Variants in DCP1A observed in about 807,000 individuals in gnomAD.
DCP1A encodes decapping mRNA 1A, also known as mRNA-decapping enzyme 1A.
In DCP1A, 20 loss-of-function variants were observed where a neutral mutation model predicts 58.0. The observed-to-expected ratio is 0.34, with a 90% confidence interval of 0.24 to 0.50. DCP1A has a LOEUF of 0.50. Ranked by LOEUF, DCP1A falls within the 20% of genes least tolerant of loss-of-function variation. The pLI is 0.98. For missense variants in DCP1A, 613 were observed against 712.2 expected, an observed-to-expected ratio of 0.86 and a Z score of 1.59; for synonymous variants, 285 against 275.1, an observed-to-expected ratio of 1.04 and a Z score of -0.36.
intron 4 of DCP1A, among the ~76,000 whole-genome samples, chr3:53,318,353 CTG>C (rs1285796173): frequency 4.6e-5 from 7 of 151,990 alleles, no homozygotes; most frequent in Non-Finnish European, 8.8e-5. Flanking sequence ...TAAGATTAGA[CTG>C]TTAAAAAATT....
At chr3:53,344,822 A>AAT in intron 2 of DCP1A, 80 bp downstream of exon 2, 1 of 1,100,814 alleles carries the variant, frequency 9.1e-7, no homozygotes, top group Non-Finnish European at 1.4e-6. Flanking sequence ...TCCAAAGACA[A>AAT]ATGTACAAGA....
intron 3 of DCP1A, among the ~76,000 whole-genome samples, chr3:53,329,845 T>C (rs1219332104): frequency 6.6e-6 from 1 of 152,184 alleles, no homozygotes; most frequent in Non-Finnish European, 1.5e-5. Flanking sequence ...GAAAAAGTTG[T>C]CCTTATAAAT....
chr3:53,340,516 G>A (rs553195656), intron 3 of DCP1A, among the ~76,000 whole-genome samples: 58 of 152,242 alleles, frequency 3.8e-4, no homozygotes, highest in African/African-American at 1.2e-3. Context: ...GAATTAAGAG[G>A]TGTATAATTT....
intron 6 of DCP1A, among the ~76,000 whole-genome samples, chr3:53,301,187 T>G (rs1190549721): frequency 6.6e-6 from 1 of 152,206 alleles, no homozygotes; most frequent in Non-Finnish European, 1.5e-5. Flanking sequence ...TTAAATTAAT[T>G]ATCTAAATAT....
chr3:53,295,719 G>A (rs1447150270), intron 6 of DCP1A, among the ~76,000 whole-genome samples: 6 of 152,090 alleles, frequency 3.9e-5, no homozygotes, highest in African/African-American at 1.4e-4. Context: ...TTTTTGTAGT[G>A]AGCCATTGAG....
chr3:53,292,525 G>A lies in DCP1A; in HGVS notation c.927C>T (p.Thr309=), dbSNP rs1706936229. 1 of 1,613,984 alleles carries A rather than the reference G, an allele frequency of 6.2e-7. No individual in the cohort carries two copies. The highest frequency in any genetic ancestry group is 8.5e-7 in the Non-Finnish European group (1 of 1,179,902). Residue 309 remains threonine, a synonymous_variant, in exon 7 of 10, where the codon ACC becomes ACT. Coordinates refer to ENST00000610213, the MANE Select transcript of DCP1A (RefSeq NM_018403.7). Reference sequence around the variant, plus strand: ...GAACAGGGCTCAACGGGATTGTGTAGGTTGGAGCATGCTTTTCATTGGACT... The same window carrying A: ...GAACAGGGCTCAACGGGATTGTGTAAGTTGGAGCATGCTTTTCATTGGACT... The part of the protein sequence containing the change: ...ITQSNEKHAP[T]YTIPLSPVLS...
intron 6 of DCP1A, among the ~76,000 whole-genome samples, chr3:53,300,424 G>A (rs1707277023): frequency 6.9e-6 from 1 of 145,908 alleles, no homozygotes; most frequent in African/African-American, 2.6e-5. Flanking sequence ...TGCAACCTCC[G>A]CCTCCCGGGT....
Position 53,327,111 on chromosome 3 carries a change from G to A in DCP1A, c.305-7638C>T, listed in dbSNP as rs115169433. Reference sequence around the variant, plus strand: ...CATGGATTTGAATTCCCATTTCCTAGGCTTCCAAAAATCTATAGTTAGGGA... The same window carrying A: ...CATGGATTTGAATTCCCATTTCCTAAGCTTCCAAAAATCTATAGTTAGGGA... On this transcript the variant is annotated intron_variant, in intron 3 of 9. Coordinates refer to ENST00000610213, the MANE Select transcript of DCP1A (RefSeq NM_018403.7). 8.3e-3 allele frequency among the ~76,000 whole-genome samples: 1,269 copies of A among 152,030 alleles called. 13 individuals carry two copies. The highest frequency in any genetic ancestry group is 0.029 in the African/African-American group (1,207 of 41,432).
Position 53,284,326 on chromosome 3 carries a change from C to A in DCP1A, c.*3254G>T, listed in dbSNP as rs927884315. 6.6e-6 allele frequency: 1 copy of A among 152,120 alleles called. No homozygotes were observed. The highest frequency in any genetic ancestry group is 1.5e-5 in the Non-Finnish European group (1 of 68,026). The allele number at this position is 152,120 out of a possible 1,614,324, so 9.4% of individuals were successfully genotyped here. A position where few individuals can be genotyped will look rare whatever the true frequency, so the allele number is the denominator to read the frequency against. The stretch of plus-strand genomic sequence containing the variant: ...CTCTACTATGGAAATGAGAAAATTT[C>A]AAACTACATTCTTTGGGGGAGGAGA... On this transcript the variant is annotated 3_prime_UTR_variant, in exon 10 of 10. Transcript: ENST00000610213.
At chr3:53,307,256 G>A (rs1452033520) in intron 5 of DCP1A, among the ~76,000 whole-genome samples, 1 of 152,082 alleles carries the variant, frequency 6.6e-6, no homozygotes. Context: ...GCCCCAGGCT[G>A]GTCTTAAACT....
intron 6 of DCP1A, among the ~76,000 whole-genome samples, chr3:53,302,374 C>A (rs1428266141): frequency 1.3e-5 from 2 of 152,074 alleles, no homozygotes; most frequent in East Asian, 3.8e-4. Flanking sequence ...AGAACTAATT[C>A]AACAAATATT....
Position 53,292,467 on chromosome 3 carries a change from CAGT to C in DCP1A, c.982_984del (p.Thr328del). ...CGAGGTAAGCTGGGGGGAACCTGTG[CAGT>C]AGGAGCTTCAGCTGGCAGAGTGGGA... On this transcript the variant is annotated inframe_deletion, in exon 7 of 10. Transcript: ENST00000610213. The C allele has an allele frequency of 6.2e-7, 1 of 1,613,924 alleles. No individual in the cohort carries two copies. Among genetic ancestry groups the C allele is most frequent in the Non-Finnish European group, 8.5e-7 (1 of 1,179,884 alleles).
intron 3 of DCP1A, among the ~76,000 whole-genome samples, chr3:53,336,845 G>GATTTATTTATTTATTT (rs56054437): frequency 2.3e-4 from 33 of 144,296 alleles, no homozygotes; most frequent in Non-Finnish European, 2.9e-4. Flanking sequence ...CCAAAGCCCA[G>GATTTATTTATTTATTT]ATTTATTTAT....
At chr3:53,346,006 A>G (rs2089287273) in intron 1 of DCP1A, among the ~76,000 whole-genome samples, 2 of 152,182 alleles carry the variant, frequency 1.3e-5, no homozygotes. Flanking sequence ...AATTCAGGTT[A>G]TTATAGCTTG....
rs201457735 is a variant in DCP1A at position 53,330,826 on chromosome 3, T to TATATA, written c.304+11317_304+11318insTATAT. 3.0e-4 allele frequency among the ~76,000 whole-genome samples: 26 copies of TATATA among 87,894 alleles called. No individual in the cohort carries two copies. The South Asian group carries it at 6.2e-3, about 21-fold the overall frequency. 57.7% of individuals were successfully genotyped at this position (87,894 alleles called of 152,430 possible). A position where few individuals can be genotyped will look rare whatever the true frequency, so the allele number is the denominator to read the frequency against. On this transcript the variant is annotated intron_variant, in intron 3 of 9. Coordinates refer to ENST00000610213, the MANE Select transcript of DCP1A (RefSeq NM_018403.7). Reference sequence around the variant, plus strand: ...CACAATATATACACATATATATATATTTTTTTTTTTTTTGAGATGGAGTAT... The same window carrying TATATA: ...CACAATATATACACATATATATATATATATATTTTTTTTTTTTTGAGATGGAGTAT...
intron 3 of DCP1A, among the ~76,000 whole-genome samples, chr3:53,320,847 G>T (rs1188512430): frequency 1.3e-5 from 2 of 152,198 alleles, no homozygotes; most frequent in African/African-American, 4.8e-5. Context: ...AATTTCAAGA[G>T]TATTATATTA....
At position 53,292,070 on chromosome 3, in the gene DCP1A, T is replaced by C. The variant is rs186298829; in HGVS notation, c.1382A>G (p.Gln461Arg). The change falls in exon 7 of 10, where the codon CAG becomes CGG. Residue 461 changes from glutamine (Q) to arginine (R), a missense_variant and splice_region_variant. Physicochemically the swap from Gln to Arg is conservative, Grantham distance 43 (BLOSUM62 1). Transcript: ENST00000610213. Reference sequence around the variant, plus strand: ...CCACCCCCACCCTCCTGCCATTACCTGAAGGGGAGCAAGCACCATGTTGCT... The same window carrying C: ...CCACCCCCACCCTCCTGCCATTACCCGAAGGGGAGCAAGCACCATGTTGCT... ...SLSNMVLAPL[Q>R]SMQQNQDPEV... 2.4e-4 allele frequency: 324 copies of C among 1,342,190 alleles called. No individual in the cohort carries two copies. The African/African-American group carries it at 4.5e-3, about 19-fold the overall frequency. The allele number at this position is 1,342,190 out of a possible 1,614,324, so 83.1% of individuals were successfully genotyped here. A position where few individuals can be genotyped will look rare whatever the true frequency, so the allele number is the denominator to read the frequency against.
At chr3:53,307,965 T>C (rs1018082888) in intron 5 of DCP1A, among the ~76,000 whole-genome samples, 7 of 152,248 alleles carry the variant, frequency 4.6e-5, no homozygotes, top group African/African-American at 9.6e-5. Context: ...GGAAATCTCA[T>C]AGGGATTCTC....
intron 6 of DCP1A, among the ~76,000 whole-genome samples, chr3:53,299,287 C>T (rs182067163): frequency 6.6e-6 from 1 of 152,236 alleles, no homozygotes; most frequent in Admixed American, 6.5e-5. Flanking sequence ...ATGAATTAAC[C>T]TTCCATCATC....
Sources: allele counts gnomAD v4.1 joint callset (sites outside exome capture counted in the v4.1 genomes callset), GRCh38; gene constraint gnomAD v4.1.1; transcripts MANE v1.5; gene names NCBI Gene and HGNC (gene_info 2026-07-23, HGNC 2026-07-21).